COL4A2: variants seen among roughly 807,000 people sequenced by gnomAD.
COL4A2 encodes the protein collagen type IV alpha 2 chain.
COL4A2 carries 99 observed loss-of-function variants against 200.2 expected under a neutral mutation model. The ratio of observed to expected loss-of-function variants is 0.49; its 90% CI spans 0.42 to 0.58. COL4A2 has a LOEUF of 0.58. Among genes scored for constraint, COL4A2 ranks in the 20% least tolerant of loss-of-function variants. The pLI is 0.00. For missense variants in COL4A2, 1,950 were observed against 2,314.1 expected (o/e 0.84, Z 3.23); for synonymous variants, 897 against 900.6 (o/e 1.00, Z 0.07).
At chr13:110,397,520 G>A in intron 4 of COL4A2, among the ~76,000 whole-genome samples, 1 of 152,194 alleles carries the variant, frequency 6.6e-6, no homozygotes. Flanking sequence ...CAGTTTTTAA[G>A]AACATCGTAG....
At chr13:110,483,554 C>A (rs986904501) in intron 32 of COL4A2, among the ~76,000 whole-genome samples, 2 of 152,264 alleles carry the variant, frequency 1.3e-5, no homozygotes, top group African/African-American at 4.8e-5. Flanking sequence ...AGGGCACATT[C>A]AGTGCTGAGG....
At chr13:110,472,523 C>G (rs905695227) in intron 28 of COL4A2, among the ~76,000 whole-genome samples, 14 of 152,156 alleles carry the variant, frequency 9.2e-5, no homozygotes, top group Non-Finnish European at 4.4e-5. Flanking sequence ...CGGCCCTGTT[C>G]GTTCCTGCCT....
At chr13:110,333,734 C>G (rs1876038402) in intron 3 of COL4A2, among the ~76,000 whole-genome samples, 1 of 152,140 alleles carries the variant, frequency 6.6e-6, no homozygotes. Context: ...GAACTCGTTG[C>G]CATATTTCTG....
rs1452839928 is a variant in COL4A2 at position 110,503,924 on chromosome 13, C to T, written c.4216C>T (p.Pro1406Ser). The T allele has an allele frequency of 1.9e-6, 3 of 1,603,860 alleles. No homozygotes were observed. The highest frequency in any genetic ancestry group is 1.7e-5 in the Admixed American group (1 of 58,056). Residue 1406 changes from proline to serine, a missense_variant, in exon 44 of 48, where the codon CCC (proline) becomes TCC (serine). Physicochemically the swap from Pro to Ser is moderately conservative, Grantham distance 74 (BLOSUM62 -1). Around this residue, in one of 2 missense-constraint regions of COL4A2, gnomAD observed 1,385 missense variants for 1,720.5 expected, o/e 0.80. Transcript: ENST00000360467. Reference protein sequence around the residue: ...KIAVQPGTVGPQGRRGPPGAP... With the variant: ...KIAVQPGTVGSQGRRGPPGAP... ...TGCCGTCCAACCAGGGACAGTGGGT[C>T]CCCAGGGGAGGCGAGGCCCCCCTGG... is the stretch of plus-strand genomic sequence containing the variant.
chr13:110,387,421 T>C (rs532208333), intron 4 of COL4A2, among the ~76,000 whole-genome samples: 1 of 152,324 alleles, frequency 6.6e-6, no homozygotes, highest in South Asian at 2.1e-4. Flanking sequence ...TGCCCGGACA[T>C]CACGGGCGCT....
In COL4A2 at chr13:110,376,279, T is replaced by C. The variant is rs1296799553; in HGVS notation, c.180+18727T>C. 3.3e-5 allele frequency among the ~76,000 whole-genome samples: 5 copies of C among 152,192 alleles called. No individual in the cohort carries two copies. The South Asian group carries it at 1.0e-3, about 32-fold the overall frequency. On this transcript the variant is annotated intron_variant, in intron 4 of 47. Transcript: ENST00000360467. ...AGTCTCTTATCTCCACCCGCTTCAC[T>C]GTTCCTGGCAGAGCAACAGTCTGGA...
intron 29 of COL4A2, among the ~76,000 whole-genome samples, chr13:110,476,306 CTCT>C: frequency 6.6e-6 from 1 of 152,348 alleles, no homozygotes; most frequent in East Asian, 1.9e-4. Flanking sequence ...TCCCCTGGAG[CTCT>C]TCACTCTAAA....
chr13:110,373,936 A>C (rs1878126352), intron 4 of COL4A2, among the ~76,000 whole-genome samples: 1 of 152,236 alleles, frequency 6.6e-6, no homozygotes, highest in Non-Finnish European at 1.5e-5. Context: ...AGCCCTGTGC[A>C]GCCGTGGCCA....
chr13:110,315,845 C>G (rs1250882427), intron 3 of COL4A2, among the ~76,000 whole-genome samples: 1 of 152,186 alleles, frequency 6.6e-6, no homozygotes, highest in African/African-American at 2.4e-5. Flanking sequence ...GGGCCCTCAA[C>G]AGAGCTTGTT....
At chr13:110,509,268 T>TACACAC (rs1474219877) in intron 47 of COL4A2, among the ~76,000 whole-genome samples, 267 of 120,572 alleles carry the variant, frequency 2.2e-3, no homozygotes, top group South Asian at 5.9e-3. Context: ...TATATATATA[T>TACACAC]ATACACACAC....
At chr13:110,457,839 T>A (rs1033204461) in intron 21 of COL4A2, 22 of 464,000 alleles carry the variant, frequency 4.7e-5, no homozygotes, top group Non-Finnish European at 9.8e-5. Context: ...AAGGTGCTGG[T>A]ATAGTCACCA....
chr13:110,420,719 A>G (rs1880215907), intron 4 of COL4A2, among the ~76,000 whole-genome samples: 1 of 152,190 alleles, frequency 6.6e-6, no homozygotes, highest in African/African-American at 2.4e-5. Context: ...CACAGAGGAA[A>G]ACCCTTGGCA....
At chr13:110,432,262 C>T (rs1566529660) in intron 10 of COL4A2, 63 bp from the exon 11 acceptor site, 16 of 1,547,966 alleles carry the variant, frequency 1.0e-5, no homozygotes, top group Non-Finnish European at 1.4e-5. Flanking sequence ...GAGCTTTCCA[C>T]CAGATGTTAT....
intron 4 of COL4A2, among the ~76,000 whole-genome samples, chr13:110,378,825 G>A (rs55763704): frequency 0.029 from 4,368 of 152,158 alleles, 193 homozygotes; most frequent in African/African-American, 0.098. Flanking sequence ...CAAGGAATTC[G>A]GTCCCGCGGT....
intron 4 of COL4A2, among the ~76,000 whole-genome samples, chr13:110,368,852 G>A (rs1206846072): frequency 4.7e-5 from 2 of 42,648 alleles, no homozygotes; most frequent in South Asian, 2.8e-3. Context: ...AAGAAAAGGG[G>A]GGGGGGGGGT....
intron 33 of COL4A2, 42 bp downstream of exon 33, chr13:110,485,069 C>G: frequency 6.6e-7 from 1 of 1,505,034 alleles, no homozygotes; most frequent in Non-Finnish European, 9.0e-7. Context: ...TAGTCCCTGC[C>G]GCCCCAGCCC....
At chr13:110,422,875 T>A (rs1409265374) in intron 4 of COL4A2, among the ~76,000 whole-genome samples, 1 of 152,218 alleles carries the variant, frequency 6.6e-6, no homozygotes, top group South Asian at 2.1e-4. Context: ...ACATTAACAC[T>A]GTACCCTGGG....
intron 27 of COL4A2, among the ~76,000 whole-genome samples, chr13:110,468,716 T>G (rs1217489358): frequency 6.6e-6 from 1 of 152,158 alleles, no homozygotes; most frequent in Non-Finnish European, 1.5e-5. Flanking sequence ...GCAGATGGGT[T>G]TTGTGACATG....
intron 4 of COL4A2, among the ~76,000 whole-genome samples, chr13:110,399,851 A>C (rs1879310764): frequency 6.6e-6 from 1 of 152,176 alleles, no homozygotes; most frequent in Admixed American, 6.5e-5. Flanking sequence ...AGAAGATTTG[A>C]GTGAGGTTTG....
Sources: allele counts gnomAD v4.1 joint callset (sites outside exome capture counted in the v4.1 genomes callset), GRCh38; gene constraint gnomAD v4.1.1; regional missense constraint gnomAD v4.1.1; transcripts MANE v1.5; gene names NCBI Gene and HGNC (gene_info 2026-07-23, HGNC 2026-07-21).